The following SLA variants were observed in gnomAD, a reference collection of about 807,000 sequenced individuals.
SLA encodes src-like-adapter.
Under a neutral mutation model 30.3 loss-of-function variants are expected in SLA, and 16 were observed. The observed-to-expected ratio is 0.53, with a 90% confidence interval of 0.36 to 0.80. SLA has a LOEUF of 0.80. SLA is among the 30% of genes least tolerant of loss of function. The pLI is 0.01. For missense variants in SLA, 310 were observed against 345.2 expected (o/e 0.90, Z 0.81); for synonymous variants, 143 against 137.8 (o/e 1.04, Z -0.26).
chr8:133,038,975 T>C (rs1837627246), intron 8 of SLA, among the ~76,000 whole-genome samples: 2 of 152,188 alleles, frequency 1.3e-5, no homozygotes, highest in South Asian at 2.1e-4. Flanking sequence ...CCTCCCAGGC[T>C]CAAGCGATTC....
chr8:133,070,029 A>AAC lies in SLA; in HGVS notation c.-41+4823_-41+4824insGT, dbSNP rs376711807. On this transcript the variant is annotated intron_variant, in intron 2 of 8. Transcript: ENST00000338087. ...AAAAAAAAAAAAAAAAAAAAAAAGA[A>AAC]AGAAAGAAAGAAAAGAAAAGAAGAA... Among the ~76,000 whole-genome samples the AAC allele has an allele frequency of 5.8e-3, 642 of 109,752 alleles. 120 individuals are homozygous for AAC. Among genetic ancestry groups the AAC allele is most frequent in the African/African-American group, 0.013 (323 of 25,804 alleles). 72.0% of individuals were successfully genotyped at this position (109,752 alleles called of 152,430 possible). A position where few individuals can be genotyped will look rare whatever the true frequency, so the allele number is the denominator to read the frequency against.
At chr8:133,091,683 A>G (rs68192213) in intron 1 of SLA, among the ~76,000 whole-genome samples, 23,262 of 150,954 alleles carry the variant, frequency 0.15, 2,260 homozygotes, top group East Asian at 0.21. Flanking sequence ...TGTCTCTGTG[A>G]CTGTGTGTGT....
chr8:133,074,837 C>T lies in SLA; in HGVS notation c.-41+16G>A, dbSNP rs1408661296. 26 of 985,320 alleles carry T rather than the reference C, an allele frequency of 2.6e-5. No individual in the cohort carries two copies. Among genetic ancestry groups the T allele is most frequent in the Non-Finnish European group, 3.1e-5 (26 of 829,896 alleles). 61.0% of individuals were successfully genotyped at this position (985,320 alleles called of 1,614,324 possible). A position where few individuals can be genotyped will look rare whatever the true frequency, so the allele number is the denominator to read the frequency against. The stretch of plus-strand genomic sequence containing the variant: ...GTCTCTCCCCACCCCATCTCTGCCA[C>T]ATACTCCCAAAATACCTTCACACAC... On this transcript the variant is annotated intron_variant, in intron 2 of 8. Transcript: ENST00000338087.
chr8:133,041,861 C>A (rs557954164), intron 7 of SLA, among the ~76,000 whole-genome samples: 1 of 147,990 alleles, frequency 6.8e-6, no homozygotes, highest in African/African-American at 2.5e-5. Context: ...GATCTTGGCT[C>A]ATTGCAACCT....
chr8:133,081,011 G>A (rs1042113558), intron 1 of SLA, among the ~76,000 whole-genome samples: 1 of 152,274 alleles, frequency 6.6e-6, no homozygotes, highest in African/African-American at 2.4e-5. Flanking sequence ...AGGATTTGAA[G>A]TACTTAGGAG....
At chr8:133,096,687 A>G (rs976561028) in intron 1 of SLA, among the ~76,000 whole-genome samples, 3 of 152,200 alleles carry the variant, frequency 2.0e-5, no homozygotes, top group African/African-American at 4.8e-5. Context: ...CCCATATTTC[A>G]TGGAGGATGC....
chr8:133,044,863 A>T, intron 7 of SLA, 121 bp downstream of exon 7: 1 of 933,238 alleles, frequency 1.1e-6, no homozygotes, highest in Non-Finnish European at 1.7e-6. Context: ...GAGAGAGCAT[A>T]TCATGAAGGC....
chr8:133,092,864 A>C (rs1847786306), intron 1 of SLA, among the ~76,000 whole-genome samples: 1 of 152,252 alleles, frequency 6.6e-6, no homozygotes, highest in South Asian at 2.1e-4. Context: ...AGAAAGATCA[A>C]TTTAAACAAA....
intron 6 of SLA, 92 bp from the exon 7 acceptor site, chr8:133,045,207 C>G: frequency 1.5e-6 from 2 of 1,358,412 alleles, no homozygotes; most frequent in Non-Finnish European, 2.1e-6. Flanking sequence ...GGCAGGGAGA[C>G]CTGCCCACCC....
At chr8:133,096,546 A>C (rs1013711435) in intron 1 of SLA, among the ~76,000 whole-genome samples, 1 of 152,202 alleles carries the variant, frequency 6.6e-6, no homozygotes, top group African/African-American at 2.4e-5. Flanking sequence ...AGACACTTGC[A>C]GGGTAGTGAG....
intron 2 of SLA, among the ~76,000 whole-genome samples, chr8:133,060,977 AC>A (rs1382815689): frequency 1.3e-5 from 2 of 152,220 alleles, no homozygotes; most frequent in African/African-American, 4.8e-5. Flanking sequence ...CTGTGTACTT[AC>A]AAGCTAGATG....
intron 7 of SLA, 126 bp downstream of exon 7, chr8:133,044,858 A>T (rs1839009444): frequency 1.1e-6 from 1 of 887,046 alleles, no homozygotes; most frequent in East Asian, 2.4e-5. Context: ...TTAACGAGAG[A>T]GCATATCATG....
intron 1 of SLA, among the ~76,000 whole-genome samples, chr8:133,092,752 C>A (rs1305011450): frequency 6.6e-6 from 1 of 152,190 alleles, no homozygotes; most frequent in Non-Finnish European, 1.5e-5. Flanking sequence ...TCCCCTCCTG[C>A]CCCCGAGTGC....
Position 133,090,994 on chromosome 8 carries a change from A to G in SLA, c.-319+11559T>C, listed in dbSNP as rs1297701544. Among the ~76,000 whole-genome samples the G allele has an allele frequency of 2.0e-5, 3 of 152,156 alleles. No homozygotes were observed. The East Asian group carries it at 5.8e-4, about 29-fold the overall frequency. On this transcript the variant is annotated intron_variant, in intron 1 of 8. Coordinates refer to ENST00000338087, the MANE Select transcript of SLA (RefSeq NM_001045556.3). ...CCTGGCTCTGTCACCCCCAGCTCTG[A>G]GACTCTAGGGAAGTGGCTTCAACTC...
chr8:133,082,731 C>T (rs747482175), intron 1 of SLA, among the ~76,000 whole-genome samples: 19 of 152,322 alleles, frequency 1.2e-4, no homozygotes, highest in African/African-American at 3.4e-4. Context: ...CACAAAATGA[C>T]GGTAGGATCT....
In SLA at chr8:133,038,678, C is replaced by T; in HGVS notation, c.677G>A (p.Ser226Asn). ...NPLGVDESLF[S>N]YGLRESIASY... ...GGCAATGCTCTCTCGAAGGCCATAG[C>T]TGAAAAGGGACTCGTCTACCCCAAG... is the stretch of plus-strand genomic sequence containing the variant. The change falls in exon 9 of 9, where the codon AGC becomes AAC. Residue 226 changes from serine (S) to asparagine (N), a missense_variant. Physicochemically the swap from Ser to Asn is conservative, Grantham distance 46 (BLOSUM62 1). Coordinates refer to ENST00000338087, the MANE Select transcript of SLA (RefSeq NM_001045556.3). 6.2e-7 allele frequency: 1 copy of T among 1,614,054 alleles called. No homozygotes were observed. The highest frequency in any genetic ancestry group is 8.5e-7 in the Non-Finnish European group (1 of 1,180,008).
At position 133,038,710 on chromosome 8, in the gene SLA, C is replaced by G. The variant is rs759847651; in HGVS notation, c.645G>C (p.Glu215Asp). The change falls in exon 9 of 9, where the codon GAG (glutamate) becomes GAC (aspartate). Residue 215 changes from glutamate to aspartate, a missense_variant. Glu to Asp is a conservative substitution (Grantham distance 45, BLOSUM62 2). Coordinates refer to ENST00000338087, the MANE Select transcript of SLA (RefSeq NM_001045556.3). ...SRLQEDPEGT[E>D]NPLGVDESLF... ...GGGACTCGTCTACCCCAAGCGGGTT[C>G]TCTGTTCCCTCGGGGTCCTCCTGCA... The G allele has an allele frequency of 1.2e-6, 2 of 1,613,980 alleles. No individual in the cohort carries two copies. The highest frequency in any genetic ancestry group is 3.3e-5 in the Admixed American group (2 of 60,000).
Position 133,038,179 on chromosome 8 carries a change from C to T in SLA, c.*345G>A. 2 of 319,144 alleles carry T rather than the reference C, an allele frequency of 6.3e-6. No homozygotes were observed. The highest frequency in any genetic ancestry group is 8.3e-5 in the East Asian group (1 of 12,068). 19.8% of individuals were successfully genotyped at this position (319,144 alleles called of 1,614,324 possible). A position where few individuals can be genotyped will look rare whatever the true frequency, so the allele number is the denominator to read the frequency against. ...TGGAGTGTAACTGTCTGGACAGGTC[C>T]AGTTCCTTGGAGAGCAGTCCTGGTG... On this transcript the variant is annotated 3_prime_UTR_variant, in exon 9 of 9. Transcript: ENST00000338087.
intron 1 of SLA, among the ~76,000 whole-genome samples, chr8:133,081,273 G>T (rs1845701124): frequency 6.6e-6 from 1 of 152,244 alleles, no homozygotes; most frequent in Non-Finnish European, 1.5e-5. Flanking sequence ...TATCCCCAAA[G>T]ATGTGATCCG....
Sources: gnomAD v4.1 joint callset for allele counts (sites outside exome capture counted in the v4.1 genomes callset) on GRCh38, gnomAD v4.1.1 for gene constraint, MANE v1.5 for transcripts, NCBI Gene and HGNC (gene_info 2026-07-23, HGNC 2026-07-21) for gene names.